The following PDE4D variants were observed in gnomAD, a reference collection of about 807,000 sequenced individuals.
The protein encoded by PDE4D is phosphodiesterase 4D.
PDE4D carries 24 observed loss-of-function variants against 87.4 expected under a neutral mutation model. The ratio of observed to expected loss-of-function variants is 0.27; its 90% CI spans 0.20 to 0.39. The LOEUF is 0.39. Among genes scored for constraint, PDE4D ranks in the 10% least tolerant of loss-of-function variants. The pLI, the probability that PDE4D is intolerant of heterozygous loss-of-function variation, is 1.00. For synonymous variants in PDE4D, 384 were observed against 383.2 expected (o/e 1.00, Z -0.02); for missense variants, 714 against 1,041.0 (o/e 0.69, Z 4.32).
chr5:59,774,699 T>C (rs1166818902), intron 1 of PDE4D, among the ~76,000 whole-genome samples: 1 of 151,380 alleles, frequency 6.6e-6, no homozygotes, highest in Non-Finnish European at 1.5e-5. Flanking sequence ...CTTTTTTTTT[T>C]TTTTCTGAGA....
At chr5:60,435,826 G>C (rs1209120623) in intron 1 of PDE4D, among the ~76,000 whole-genome samples, 2 of 152,032 alleles carry the variant, frequency 1.3e-5, no homozygotes, top group Non-Finnish European at 2.9e-5. Context: ...GAATAAATGA[G>C]AGAATCATTT....
intron 1 of PDE4D, among the ~76,000 whole-genome samples, chr5:59,509,852 A>G (rs559176865): frequency 1.7e-3 from 249 of 147,624 alleles, no homozygotes; most frequent in African/African-American, 5.5e-3. Flanking sequence ...ATAATTTTAT[A>G]TTAAGTTATA....
chr5:59,872,983 G>A (rs1435182461), intron 1 of PDE4D, among the ~76,000 whole-genome samples: 1 of 152,112 alleles, frequency 6.6e-6, no homozygotes, highest in Non-Finnish European at 1.5e-5. Context: ...ATGTGCTTGT[G>A]CGCAAAATGG....
At chr5:60,073,817 C>T (rs1772993347) in intron 2 of PDE4D, among the ~76,000 whole-genome samples, 1 of 151,910 alleles carries the variant, frequency 6.6e-6, no homozygotes, top group African/African-American at 2.4e-5. Context: ...GCATAGTACA[C>T]AAACCATCAT....
intron 1 of PDE4D, among the ~76,000 whole-genome samples, chr5:59,681,992 A>T (rs1218776504): frequency 6.6e-6 from 1 of 152,072 alleles, no homozygotes; most frequent in Non-Finnish European, 1.5e-5. Context: ...CAGCAGGAAA[A>T]AGGACTGCAC....
At chr5:60,505,561 T>C (rs2150250056) in intron 1 of PDE4D, among the ~76,000 whole-genome samples, 1 of 152,316 alleles carries the variant, frequency 6.6e-6, no homozygotes, top group East Asian at 1.9e-4. Context: ...GTTATTTGCC[T>C]GGTTCTTTTC....
intron 1 of PDE4D, among the ~76,000 whole-genome samples, chr5:59,266,675 CA>C (rs1762915128): frequency 6.6e-6 from 1 of 151,796 alleles, no homozygotes; most frequent in South Asian, 2.1e-4. Flanking sequence ...GGGGGAAAGG[CA>C]GACAAATACC....
At chr5:60,460,838 A>G in intron 1 of PDE4D, 1 of 480,764 alleles carries the variant, frequency 2.1e-6, no homozygotes, top group East Asian at 3.8e-5. Context: ...AAATTGAGCA[A>G]TAACACATGG....
rs375574810 is a variant in PDE4D, at chr5:59,667,435, C to T, written c.455+225733G>A. Among the ~76,000 whole-genome samples the T allele has an allele frequency of 1.2e-4, 19 of 152,252 alleles. No homozygotes were observed. In the East Asian group the frequency reaches 2.9e-3, roughly 23 times the overall value. ...CAATTGATCCTCCCACCTCAGCCTC[C>T]AGAATATCTGGGACTACAGGTGCAC... On this transcript the variant is annotated intron_variant, in intron 1 of 14. Transcript: ENST00000340635.
At chr5:59,712,901 T>C (rs1754418838) in intron 1 of PDE4D, among the ~76,000 whole-genome samples, 2 of 152,174 alleles carry the variant, frequency 1.3e-5, no homozygotes, top group African/African-American at 4.8e-5. Context: ...GACAACTGTT[T>C]AAAGAATTTT....
At chr5:59,868,011 A>G (rs1747293870) in intron 1 of PDE4D, among the ~76,000 whole-genome samples, 1 of 152,160 alleles carries the variant, frequency 6.6e-6, no homozygotes, top group Non-Finnish European at 1.5e-5. Flanking sequence ...AGTCAACCCA[A>G]TTAATCAATT....
intron 1 of PDE4D, among the ~76,000 whole-genome samples, chr5:59,411,766 C>G (rs2702376): frequency 0.15 from 22,953 of 152,102 alleles, 1,879 homozygotes; most frequent in East Asian, 0.19. Context: ...GTTAGGACTT[C>G]AACATTTTGA....
rs575942246 is a variant in PDE4D at position 59,285,132 on chromosome 5, C to A, written c.456-69164G>T. 3.7e-5 allele frequency among the ~76,000 whole-genome samples: 5 copies of A among 135,364 alleles called. No individual in the cohort carries two copies. The South Asian group carries it at 1.3e-3, about 34-fold the overall frequency. The allele number at this position is 135,364 out of a possible 152,430, so 88.8% of individuals were successfully genotyped here. A position where few individuals can be genotyped will look rare whatever the true frequency, so the allele number is the denominator to read the frequency against. Reference sequence around the variant, plus strand: ...ATGCTAGATGACGCGTTAGTGGGTGCAGTGCACCAGCATGGCACATGTATA... The same window carrying A: ...ATGCTAGATGACGCGTTAGTGGGTGAAGTGCACCAGCATGGCACATGTATA... On this transcript the variant is annotated intron_variant, in intron 1 of 14. Coordinates refer to ENST00000340635, the MANE Select transcript of PDE4D (RefSeq NM_001104631.2).
chr5:60,296,614 C>T (rs777779323), intron 1 of PDE4D, among the ~76,000 whole-genome samples: 49 of 152,192 alleles, frequency 3.2e-4, no homozygotes, highest in Admixed American at 1.6e-3. Flanking sequence ...ATCTCCTTCC[C>T]TCATGCTATT....
intron 1 of PDE4D, among the ~76,000 whole-genome samples, chr5:59,832,962 G>A (rs1741477722): frequency 6.6e-6 from 1 of 152,022 alleles, no homozygotes; most frequent in Non-Finnish European, 1.5e-5. Context: ...AGGAACGTAA[G>A]GATGAAATGG....
intron 1 of PDE4D, among the ~76,000 whole-genome samples, chr5:59,570,409 G>A (rs1404288806): frequency 1.3e-5 from 2 of 152,102 alleles, no homozygotes; most frequent in Non-Finnish European, 2.9e-5. Context: ...ACATTCGGGT[G>A]CCAAAGAATA....
intron 1 of PDE4D, among the ~76,000 whole-genome samples, chr5:59,623,398 C>T (rs1328552906): frequency 6.6e-6 from 1 of 152,146 alleles, no homozygotes; most frequent in Non-Finnish European, 1.5e-5. Flanking sequence ...CAACCTTAAT[C>T]ACAGTGATAA....
upstream of PDE4D, among the ~76,000 whole-genome samples, chr5:60,492,731 A>G (rs1421636064): frequency 6.6e-6 from 1 of 152,020 alleles, no homozygotes; most frequent in Admixed American, 6.6e-5. Flanking sequence ...ATCACACACG[A>G]GGGCCTGTCA....
chr5:59,549,206 T>G (rs1817730607), intron 1 of PDE4D, among the ~76,000 whole-genome samples: 1 of 152,180 alleles, frequency 6.6e-6, no homozygotes, highest in African/African-American at 2.4e-5. Flanking sequence ...AAAGCACTTT[T>G]AGAAAGCTAC....
Sources: allele counts gnomAD v4.1 joint callset (sites outside exome capture counted in the v4.1 genomes callset), GRCh38; gene constraint gnomAD v4.1.1; transcripts MANE v1.5; gene names NCBI Gene and HGNC (gene_info 2026-07-23, HGNC 2026-07-21).